Variants in CAST observed in about 807,000 individuals in gnomAD.
The protein encoded by CAST is MIR583 host.
In CAST, 76 loss-of-function variants were observed where a neutral mutation model predicts 119.6. That is an observed-to-expected ratio of 0.64 (90% confidence interval 0.53 to 0.77). The LOEUF (loss-of-function observed/expected upper bound fraction) is 0.77, where lower values mean the gene tolerates loss of function less well. Among genes scored for constraint, CAST ranks in the 30% least tolerant of loss-of-function variants. The probability of loss-of-function intolerance (pLI) is 0.00; values close to 1 mark genes in which losing one functional copy is unlikely to be tolerated. For synonymous variants in CAST, 319 were observed against 331.6 expected (o/e 0.96, Z 0.41); for missense variants, 953 against 946.5 (o/e 1.01, Z -0.09).
the CAST span, among the ~76,000 whole-genome samples, chr5:96,234,818 G>A: frequency 1.1e-4 from 16 of 152,066 alleles, no homozygotes; most frequent in East Asian, 1.9e-4. Context: ...TGTGGGTTGT[G>A]TATGTGTGTA....
chr5:96,465,288 TATA>T, the CAST span, among the ~76,000 whole-genome samples: 1 of 152,040 alleles, frequency 6.6e-6, no homozygotes, highest in Non-Finnish European at 1.5e-5. Context: ...TCTTTTCAAT[TATA>T]ATAAGGACAC....
At chr5:96,772,291 C>T (rs1772702247) in intron 31 of CAST, 1 of 153,468 alleles carries the variant, frequency 6.5e-6, no homozygotes, top group Non-Finnish European at 1.5e-5. Flanking sequence ...AGAACTGGGC[C>T]CTTATCTTAA....
the CAST span, among the ~76,000 whole-genome samples, chr5:96,073,082 G>T: frequency 6.6e-5 from 10 of 152,174 alleles, no homozygotes; most frequent in Non-Finnish European, 1.2e-4. Context: ...CTTACCAAAA[G>T]TTTTTCATTT....
the CAST span, among the ~76,000 whole-genome samples, chr5:96,487,199 C>T: frequency 8.5e-5 from 13 of 152,292 alleles, no homozygotes; most frequent in South Asian, 2.5e-3. Context: ...TCCCCACCCA[C>T]CACCAGAATG....
intron 1 of CAST, among the ~76,000 whole-genome samples, chr5:96,635,511 A>C (rs1747874983): frequency 6.6e-6 from 1 of 152,190 alleles, no homozygotes; most frequent in South Asian, 2.1e-4. Context: ...AAGCCATCCA[A>C]TACTGGTTTA....
At position 96,530,674 on chromosome 5, in the gene CAST, A is replaced by G. The variant is rs183710490; in HGVS notation, c.60+794A>G. Among the ~76,000 whole-genome samples the G allele has an allele frequency of 4.6e-5, 7 of 152,340 alleles. No individual in the cohort carries two copies. The East Asian group carries it at 1.3e-3, about 29-fold the overall frequency. ...GCCCAGGAGGAGAAAAACTGGAGGA[A>G]CGGCTTCTTTGAGAAGCCAAAGGAA... On this transcript the variant is annotated intron_variant, in intron 1 of 11. Transcript: ENST00000505143.
At chr5:96,400,255 C>T in the CAST span, 1 of 996,736 alleles carries the variant, frequency 1.0e-6, no homozygotes, top group Non-Finnish European at 1.6e-6. Context: ...CAAGTGCTAA[C>T]AATAAGCATC....
chr5:96,650,341 G>A (rs573850632), intron 1 of CAST, among the ~76,000 whole-genome samples: 44 of 152,254 alleles, frequency 2.9e-4, no homozygotes, highest in African/African-American at 9.6e-4. Context: ...CAATGAAAGC[G>A]TGGGTCACTT....
intron 1 of CAST, among the ~76,000 whole-genome samples, chr5:96,548,586 G>C (rs1746061733): frequency 6.6e-6 from 1 of 151,976 alleles, no homozygotes; most frequent in Non-Finnish European, 1.5e-5. Flanking sequence ...GCTACGCTGG[G>C]TGTCATTGTC....
At chr5:96,191,225 C>T in the CAST span, among the ~76,000 whole-genome samples, 1 of 152,182 alleles carries the variant, frequency 6.6e-6, no homozygotes, top group Non-Finnish European at 1.5e-5. Context: ...TTCTACAAGA[C>T]TGTAAGAAAT....
At chr5:96,536,308 G>A (rs1358607665) in intron 1 of CAST, among the ~76,000 whole-genome samples, 2 of 152,058 alleles carry the variant, frequency 1.3e-5, no homozygotes, top group Non-Finnish European at 2.9e-5. Context: ...ACGGTGAGCC[G>A]AGATCGTGCC....
At chr5:96,138,671 A>G in the CAST span, among the ~76,000 whole-genome samples, 1 of 151,934 alleles carries the variant, frequency 6.6e-6, no homozygotes, top group African/African-American at 2.4e-5. Context: ...TTTTTGATAT[A>G]TAGATTTTGT....
the CAST span, among the ~76,000 whole-genome samples, chr5:96,352,109 G>A: frequency 6.6e-6 from 1 of 152,142 alleles, no homozygotes; most frequent in Non-Finnish European, 1.5e-5. Flanking sequence ...CCAAAGACTG[G>A]CTGGAACTCA....
the CAST span, among the ~76,000 whole-genome samples, chr5:96,494,856 G>A: frequency 6.6e-6 from 1 of 152,158 alleles, no homozygotes; most frequent in Non-Finnish European, 1.5e-5. Context: ...AGTAGCTCAC[G>A]CCTGTAATCC....
At chr5:96,289,120 G>T in the CAST span, among the ~76,000 whole-genome samples, 1 of 151,214 alleles carries the variant, frequency 6.6e-6, no homozygotes. Context: ...AAAACCCTTA[G>T]AATACTTTGG....
chr5:96,351,817 G>T, the CAST span, among the ~76,000 whole-genome samples: 1 of 152,018 alleles, frequency 6.6e-6, no homozygotes, highest in African/African-American at 2.4e-5. Flanking sequence ...TGTTTTAAGT[G>T]CTTAGGGATA....
chr5:96,361,814 T>TC, the CAST span, among the ~76,000 whole-genome samples: 1 of 150,446 alleles, frequency 6.6e-6, no homozygotes, highest in Non-Finnish European at 1.5e-5. Flanking sequence ...GTATGCTTTT[T>TC]TTTTTTTTTT....
At chr5:96,290,880 G>C in the CAST span, among the ~76,000 whole-genome samples, 1 of 152,186 alleles carries the variant, frequency 6.6e-6, no homozygotes, top group African/African-American at 2.4e-5. Flanking sequence ...TAGGCTTTAC[G>C]TGTGTAATCT....
At chr5:96,453,515 T>C in the CAST span, among the ~76,000 whole-genome samples, 2 of 152,238 alleles carry the variant, frequency 1.3e-5, no homozygotes, top group African/African-American at 2.4e-5. Flanking sequence ...CAGTCTTCAG[T>C]ATATCACAAT....
Sources: allele counts gnomAD v4.1 joint callset (sites outside exome capture counted in the v4.1 genomes callset), GRCh38; gene constraint gnomAD v4.1.1; transcripts MANE v1.5; gene names NCBI Gene and HGNC (gene_info 2026-07-23, HGNC 2026-07-21).